ROCK2: variants seen among roughly 807,000 people sequenced by gnomAD.
ROCK2 encodes Rho associated coiled-coil containing protein kinase 2.
A neutral mutation model predicts 195.1 loss-of-function variants in ROCK2; 61 were observed. The ratio of observed to expected loss-of-function variants is 0.31; its 90% CI spans 0.25 to 0.39. The LOEUF is 0.39. Ranked by LOEUF, ROCK2 falls within the 10% of genes least tolerant of loss-of-function variation. The pLI is 1.00. For missense variants in ROCK2, 1,109 were observed against 1,637.4 expected (o/e 0.68, Z 5.57); for synonymous variants, 504 against 545.5 (o/e 0.92, Z 1.06).
At chr2:11,322,442 C>T (rs935000221) in intron 1 of ROCK2, among the ~76,000 whole-genome samples, 2 of 151,522 alleles carry the variant, frequency 1.3e-5, no homozygotes, top group African/African-American at 4.8e-5. Context: ...GTGTTTGCTA[C>T]TAATCATCAT....
In ROCK2 at chr2:11,304,990, T is replaced by C. The variant is rs1454329964; in HGVS notation, c.142-17254A>G. ...ACTAATGATAGAATAAATACAAATA[T>C]GGGGGAGGAGGGTTGGGCACACTAC... On this transcript the variant is annotated intron_variant, in intron 1 of 32. Coordinates refer to ENST00000315872, the MANE Select transcript of ROCK2 (RefSeq NM_004850.5). Among the ~76,000 whole-genome samples the C allele has an allele frequency of 3.3e-5, 5 of 152,026 alleles. No individual in the cohort carries two copies. The East Asian group carries it at 7.7e-4, about 23-fold the overall frequency.
chr2:11,324,425 A>AAAAACAAAACAAAACAAAAC (rs55779313), intron 1 of ROCK2, among the ~76,000 whole-genome samples: 1 of 150,642 alleles, frequency 6.6e-6, no homozygotes, highest in African/African-American at 2.4e-5. Flanking sequence ...CTCCGTCTCA[A>AAAAACAAAACAAAACAAAAC]AAAACAAAAC....
chr2:11,300,710 C>T (rs1433226556), intron 1 of ROCK2, among the ~76,000 whole-genome samples: 2 of 152,174 alleles, frequency 1.3e-5, no homozygotes, highest in Admixed American at 1.3e-4. Context: ...ATCTTGTAGG[C>T]TTAATAACCC....
At chr2:11,234,669 ATAAAG>A (rs1294019383) in intron 5 of ROCK2, 1 of 152,066 alleles carries the variant, frequency 6.6e-6, no homozygotes, top group Admixed American at 6.5e-5. Flanking sequence ...AAAATGGCCC[ATAAAG>A]TATAGCACAA....
intron 1 of ROCK2, among the ~76,000 whole-genome samples, chr2:11,295,276 C>T (rs983901692): frequency 4.6e-5 from 7 of 152,096 alleles, no homozygotes; most frequent in Non-Finnish European, 8.8e-5. Context: ...GAATCCTATT[C>T]TTAATTTAAT....
intron 5 of ROCK2, among the ~76,000 whole-genome samples, chr2:11,230,076 T>C (rs907255363): frequency 6.6e-6 from 1 of 152,204 alleles, no homozygotes; most frequent in African/African-American, 2.4e-5. Flanking sequence ...GTTTATGGTT[T>C]AGTACATTTA....
At chr2:11,199,386 C>T (rs1663768790) in intron 23 of ROCK2, among the ~76,000 whole-genome samples, 1 of 151,604 alleles carries the variant, frequency 6.6e-6, no homozygotes. Context: ...GTGCGATCAC[C>T]ACTCACTGTA....
At chr2:11,282,302 G>A (rs992667878) in intron 3 of ROCK2, among the ~76,000 whole-genome samples, 3 of 152,012 alleles carry the variant, frequency 2.0e-5, no homozygotes, top group African/African-American at 7.2e-5. Flanking sequence ...AGTGAGCCAG[G>A]ATCACACCCC....
At chr2:11,212,054 T>A (rs182158495) in intron 17 of ROCK2, among the ~76,000 whole-genome samples, 1 of 151,896 alleles carries the variant, frequency 6.6e-6, no homozygotes, top group Admixed American at 6.6e-5. Flanking sequence ...CTATAGAAGT[T>A]TGTCACCACT....
chr2:11,297,214 A>G (rs1366240352), intron 1 of ROCK2, among the ~76,000 whole-genome samples: 1 of 152,150 alleles, frequency 6.6e-6, no homozygotes, highest in Non-Finnish European at 1.5e-5. Flanking sequence ...GCAGAATAAA[A>G]ATTAAATGTA....
intron 4 of ROCK2, among the ~76,000 whole-genome samples, chr2:11,239,130 G>C (rs1017431041): frequency 6.6e-6 from 1 of 151,742 alleles, no homozygotes; most frequent in Non-Finnish European, 1.5e-5. Flanking sequence ...AAACACAGGA[G>C]AATATCTTAA....
In ROCK2 at chr2:11,181,540, A is replaced by G. The variant is rs1414001030; in HGVS notation, c.*1897T>C. ...CTCTTCAGTTTCCACAATAGTATCT[A>G]TTATGGGGATCTAACTTTTTAAATA... On this transcript the variant is annotated 3_prime_UTR_variant, in exon 33 of 33. Coordinates refer to ENST00000315872, the MANE Select transcript of ROCK2 (RefSeq NM_004850.5). 1 of 151,550 alleles carries G rather than the reference A, an allele frequency of 6.6e-6. No individual in the cohort carries two copies. Among genetic ancestry groups the G allele is most frequent in the African/African-American group, 2.4e-5 (1 of 41,292 alleles). The allele number at this position is 151,550 out of a possible 1,614,324, so 9.4% of individuals were successfully genotyped here.
chr2:11,214,705 G>C, intron 16 of ROCK2, 135 bp downstream of exon 16: 1 of 859,058 alleles, frequency 1.2e-6, no homozygotes, highest in Non-Finnish European at 1.7e-6. Flanking sequence ...TTTTGTATCA[G>C]TGTATTTCTA....
intron 1 of ROCK2, among the ~76,000 whole-genome samples, chr2:11,310,912 C>G (rs1443462842): frequency 6.6e-6 from 1 of 151,840 alleles, no homozygotes; most frequent in South Asian, 2.1e-4. Context: ...GATTTCACCT[C>G]TGTGAGAAAA....
chr2:11,268,126 C>T (rs1401109727), intron 3 of ROCK2, among the ~76,000 whole-genome samples: 1 of 152,026 alleles, frequency 6.6e-6, no homozygotes, highest in Admixed American at 6.6e-5. Flanking sequence ...ACTAGAGAGA[C>T]AAACAAATAA....
At chr2:11,305,007 G>A (rs1667811219) in intron 1 of ROCK2, among the ~76,000 whole-genome samples, 1 of 151,672 alleles carries the variant, frequency 6.6e-6, no homozygotes, top group Admixed American at 6.6e-5. Context: ...GGAGGGTTGG[G>A]CACACTACAA....
At chr2:11,312,726 G>A (rs1264407656) in intron 1 of ROCK2, among the ~76,000 whole-genome samples, 1 of 151,922 alleles carries the variant, frequency 6.6e-6, no homozygotes, top group Non-Finnish European at 1.5e-5. Flanking sequence ...AAAAACTGGA[G>A]GGAACCAATA....
chr2:11,197,741 A>C lies in ROCK2; in HGVS notation c.3100-36T>G. On this transcript the variant is annotated intron_variant, in intron 25 of 32. Transcript: ENST00000315872. This position sits in a 1 kb window ranked among gnomAD's most constrained non-coding sequence, Gnocchi z 4.9. ...GTAAAAATAAATATAATACATAAAT[A>C]AAATAAATTACGTTTATGGTTTCTC... is the stretch of plus-strand genomic sequence containing the variant. The C allele has an allele frequency of 7.3e-7, 1 of 1,363,204 alleles. No homozygotes were observed. The highest frequency in any genetic ancestry group is 9.7e-7 in the Non-Finnish European group (1 of 1,027,996). 84.4% of individuals were successfully genotyped at this position (1,363,204 alleles called of 1,614,324 possible).
intron 11 of ROCK2, 161 bp downstream of exon 11, chr2:11,218,294 G>A (rs1367695189): frequency 6.4e-6 from 3 of 467,996 alleles, no homozygotes; most frequent in African/African-American, 6.0e-5. Flanking sequence ...CAGATCCACA[G>A]AACAATAATA....
Sources: allele counts gnomAD v4.1 joint callset (sites outside exome capture counted in the v4.1 genomes callset), GRCh38; gene constraint gnomAD v4.1.1; non-coding constraint Gnocchi (gnomAD v3.1); transcripts MANE v1.5; gene names NCBI Gene and HGNC (gene_info 2026-07-23, HGNC 2026-07-21).